Variants in GRK3 observed in about 807,000 individuals in gnomAD.
GRK3 encodes G protein-coupled receptor kinase 3.
A neutral mutation model predicts 95.7 loss-of-function variants in GRK3; 54 were observed. The ratio of observed to expected loss-of-function variants is 0.56; its 90% CI spans 0.45 to 0.71. The LOEUF (loss-of-function observed/expected upper bound fraction) is 0.71, where lower values mean the gene tolerates loss of function less well. GRK3 is among the 30% of genes least tolerant of loss of function. The pLI is 0.00. For synonymous variants in GRK3, 281 were observed against 290.8 expected (o/e 0.97, Z 0.34); for missense variants, 649 against 851.2 (o/e 0.76, Z 2.96).
At chr22:25,655,109 C>T (rs2084860853) in intron 3 of GRK3, among the ~76,000 whole-genome samples, 1 of 151,974 alleles carries the variant, frequency 6.6e-6, no homozygotes, top group South Asian at 2.1e-4. Context: ...ATTTGTGACC[C>T]CAATCTCTAG....
rs571758787 is a variant in GRK3, at chr22:25,589,662, G to A, written c.114-14715G>A. On this transcript the variant is annotated intron_variant, in intron 1 of 20. Coordinates refer to ENST00000324198, the MANE Select transcript of GRK3 (RefSeq NM_005160.4). ...AAAATTTTAAACATTTACAGAACGA[G>A]AGAATAGGAGTATGAAATTGATACA... is the stretch of plus-strand genomic sequence containing the variant. Among the ~76,000 whole-genome samples, 101 of 152,284 alleles carry A rather than the reference G, an allele frequency of 6.6e-4. 2 individuals are homozygous for A. In the South Asian group the frequency reaches 0.019, roughly 28 times the overall value.
chr22:25,653,014 A>G (rs759132637), intron 3 of GRK3, among the ~76,000 whole-genome samples: 15 of 152,300 alleles, frequency 9.8e-5, no homozygotes, highest in Middle Eastern at 3.4e-3. Flanking sequence ...GAAATTGCCT[A>G]TTGACACATT....
chr22:25,669,865 C>A (rs930665998), intron 6 of GRK3, among the ~76,000 whole-genome samples: 2 of 152,206 alleles, frequency 1.3e-5, no homozygotes, highest in Non-Finnish European at 2.9e-5. Flanking sequence ...ACTCCAGAAT[C>A]TGTGAGAAAA....
At chr22:25,685,331 T>A (rs556058648) in intron 10 of GRK3, 83 bp downstream of exon 10, 1 of 1,046,042 alleles carries the variant, frequency 9.6e-7, no homozygotes, top group Non-Finnish European at 1.5e-6. Context: ...CTAGGCAGAC[T>A]GGCAATGTGG....
chr22:25,681,246 C>T (rs946968727), intron 9 of GRK3, among the ~76,000 whole-genome samples: 8 of 152,132 alleles, frequency 5.3e-5, no homozygotes, highest in African/African-American at 1.9e-4. Context: ...TCTTAGTTCT[C>T]ATACAGCTGC....
intron 13 of GRK3, among the ~76,000 whole-genome samples, chr22:25,697,563 G>A (rs2085219388): frequency 2.0e-5 from 3 of 152,206 alleles, no homozygotes; most frequent in African/African-American, 7.2e-5. Context: ...GATGGCCTCC[G>A]TGGGAAGACT....
At chr22:25,579,685 G>C (rs1932032330) in intron 1 of GRK3, among the ~76,000 whole-genome samples, 1 of 151,854 alleles carries the variant, frequency 6.6e-6, no homozygotes, top group Non-Finnish European at 1.5e-5. Flanking sequence ...CGTTAGCCAG[G>C]ATGGTCTCGA....
chr22:25,565,550 G>A (rs2146305668), intron 1 of GRK3, among the ~76,000 whole-genome samples: 1 of 151,668 alleles, frequency 6.6e-6, no homozygotes, highest in Middle Eastern at 3.4e-3. Flanking sequence ...GCCTGTCACT[G>A]CTTTGCGCTC....
At chr22:25,600,848 C>A (rs2084404987) in intron 1 of GRK3, among the ~76,000 whole-genome samples, 1 of 151,960 alleles carries the variant, frequency 6.6e-6, no homozygotes, top group Non-Finnish European at 1.5e-5. Flanking sequence ...AAGCACTAAC[C>A]AAAAGAAAGC....
intron 14 of GRK3, 133 bp from the exon 15 acceptor site, chr22:25,703,976 G>A (rs1010740515): frequency 1.6e-6 from 1 of 631,638 alleles, no homozygotes; most frequent in Non-Finnish European, 2.7e-6. Flanking sequence ...TTTCTATAGA[G>A]TAAATATTAA....
intron 5 of GRK3, among the ~76,000 whole-genome samples, chr22:25,665,654 T>C (rs939422613): frequency 2.6e-5 from 4 of 152,208 alleles, no homozygotes; most frequent in African/African-American, 9.6e-5. Flanking sequence ...CTTATAAAGT[T>C]TATTAAAATA....
intron 1 of GRK3, among the ~76,000 whole-genome samples, chr22:25,573,563 A>C (rs971985855): frequency 6.6e-6 from 1 of 152,202 alleles, no homozygotes; most frequent in Non-Finnish European, 1.5e-5. Context: ...TCAGGAAGAA[A>C]GTGAGCTTTA....
At chr22:25,625,968 C>T (rs1380576504) in intron 2 of GRK3, among the ~76,000 whole-genome samples, 1 of 152,224 alleles carries the variant, frequency 6.6e-6, no homozygotes, top group Non-Finnish European at 1.5e-5. Context: ...AATAACAGCA[C>T]AGCCAGACAT....
chr22:25,644,171 G>A (rs1035227539), intron 2 of GRK3, among the ~76,000 whole-genome samples: 3 of 151,134 alleles, frequency 2.0e-5, no homozygotes, highest in African/African-American at 7.3e-5. Flanking sequence ...TTTTTAGGGA[G>A]TTTGGTCCTA....
intron 2 of GRK3, among the ~76,000 whole-genome samples, chr22:25,626,110 G>A (rs1201820443): frequency 6.6e-6 from 1 of 152,116 alleles, no homozygotes; most frequent in African/African-American, 2.4e-5. Context: ...GAGACCCACT[G>A]ACCCTGTGGG....
chr22:25,720,979 G>A (rs1392452377), intron 19 of GRK3, among the ~76,000 whole-genome samples: 1 of 152,190 alleles, frequency 6.6e-6, no homozygotes, highest in Non-Finnish European at 1.5e-5. Context: ...GTATATGAGT[G>A]TGCCATACAG....
intron 9 of GRK3, among the ~76,000 whole-genome samples, chr22:25,683,370 T>G (rs2085089515): frequency 6.6e-6 from 1 of 152,226 alleles, no homozygotes. Flanking sequence ...AAGTACAGAT[T>G]GCTATTAGAT....
At chr22:25,566,052 A>G (rs1363803190) in intron 1 of GRK3, among the ~76,000 whole-genome samples, 1 of 152,202 alleles carries the variant, frequency 6.6e-6, no homozygotes, top group African/African-American at 2.4e-5. Context: ...TCATATCATT[A>G]GCACTTCCCC....
intron 1 of GRK3, among the ~76,000 whole-genome samples, chr22:25,588,246 A>G (rs1932384113): frequency 6.6e-6 from 1 of 152,208 alleles, no homozygotes; most frequent in Non-Finnish European, 1.5e-5. Flanking sequence ...GGCCAGTGAA[A>G]TTCAAGTATA....
Sources: gnomAD v4.1 joint callset for allele counts (sites outside exome capture counted in the v4.1 genomes callset) on GRCh38, gnomAD v4.1.1 for gene constraint, MANE v1.5 for transcripts, NCBI Gene and HGNC (gene_info 2026-07-23, HGNC 2026-07-21) for gene names.